Variants in ANK3 observed in about 807,000 individuals in gnomAD.
ANK3 encodes ankyrin 3, also known as ankyrin-3.
ANK3 carries 57 observed loss-of-function variants against 370.9 expected under a neutral mutation model. The ratio of observed to expected loss-of-function variants is 0.15; its 90% CI spans 0.12 to 0.19. ANK3 has a LOEUF of 0.19. Ranked by LOEUF, ANK3 falls within the 10% of genes least tolerant of loss-of-function variation. ANK3 has a pLI of 1.00. For missense variants in ANK3, 4,439 were observed against 5,302.1 expected (o/e 0.84, Z 5.06); for synonymous variants, 1,929 against 1,946.3 (o/e 0.99, Z 0.23).
intron 28 of ANK3, among the ~76,000 whole-genome samples, chr10:60,103,785 G>A (rs2091725446): frequency 1.3e-5 from 2 of 152,098 alleles, no homozygotes; most frequent in Admixed American, 1.3e-4. Flanking sequence ...TGGAACCAAA[G>A]TTTATCTGGT....
At chr10:60,098,451 T>C (rs945352664) in intron 28 of ANK3, among the ~76,000 whole-genome samples, 1 of 152,194 alleles carries the variant, frequency 6.6e-6, no homozygotes, top group Non-Finnish European at 1.5e-5. Context: ...ACTCTAGTTA[T>C]AGAATATGTA....
At chr10:60,310,176 C>T (rs367899339) in intron 1 of ANK3, among the ~76,000 whole-genome samples, 3 of 152,014 alleles carry the variant, frequency 2.0e-5, no homozygotes, top group South Asian at 4.2e-4. Flanking sequence ...CCTCCTGCCT[C>T]GGCCTCCCAG....
At chr10:60,476,459 C>T (rs983763979) in intron 2 of ANK3, among the ~76,000 whole-genome samples, 6 of 152,066 alleles carry the variant, frequency 3.9e-5, no homozygotes, top group East Asian at 1.9e-4. Flanking sequence ...CAGGAAATAA[C>T]GAAAAGTAGG....
intron 25 of ANK3, among the ~76,000 whole-genome samples, chr10:60,129,988 C>T (rs1051543873): frequency 5.9e-5 from 9 of 152,064 alleles, no homozygotes; most frequent in Middle Eastern, 3.2e-3. Context: ...TTTATAAATA[C>T]AGAGTTAGAG....
At chr10:60,264,549 A>C (rs997625056) in intron 5 of ANK3, among the ~76,000 whole-genome samples, 26 of 151,900 alleles carry the variant, frequency 1.7e-4, no homozygotes, top group African/African-American at 6.0e-4. Flanking sequence ...AGGCTGAGAC[A>C]GAGGAATAGC....
At chr10:60,637,178 A>C (rs1325815150) in intron 1 of ANK3, among the ~76,000 whole-genome samples, 1 of 152,040 alleles carries the variant, frequency 6.6e-6, no homozygotes, top group Non-Finnish European at 1.5e-5. Flanking sequence ...TTAATGAAAA[A>C]CTTTACAGGT....
chr10:60,729,895 C>T (rs1181839054), intron 1 of ANK3, among the ~76,000 whole-genome samples: 2 of 152,156 alleles, frequency 1.3e-5, no homozygotes, highest in Admixed American at 1.3e-4. Context: ...CAAATTACTT[C>T]TATTTTGGTA....
chr10:60,499,038 C>T (rs1245487871), intron 2 of ANK3, among the ~76,000 whole-genome samples: 2 of 152,218 alleles, frequency 1.3e-5, no homozygotes, highest in African/African-American at 2.4e-5. Context: ...CTTTTAACCA[C>T]TGTTCGTTTA....
At chr10:60,415,926 C>T (rs574353539) in intron 2 of ANK3, among the ~76,000 whole-genome samples, 1 of 125,564 alleles carries the variant, frequency 8.0e-6, no homozygotes, top group African/African-American at 3.0e-5. Flanking sequence ...GCCCCCCACC[C>T]CCCCGCCATT....
chr10:60,141,808 C>A (rs2132219899), intron 23 of ANK3, among the ~76,000 whole-genome samples: 1 of 152,070 alleles, frequency 6.6e-6, no homozygotes, highest in African/African-American at 2.4e-5. Flanking sequence ...TGGATAAATG[C>A]ATGATTCATA....
chr10:60,108,255 C>T, intron 27 of ANK3: 1 of 420,746 alleles, frequency 2.4e-6, no homozygotes, highest in Non-Finnish European at 4.7e-6. Context: ...CCCTCATTTA[C>T]AGGGGGAGGA....
At chr10:60,317,358 C>G (rs1282252211) in intron 1 of ANK3, among the ~76,000 whole-genome samples, 13 of 151,508 alleles carry the variant, frequency 8.6e-5, no homozygotes, top group Non-Finnish European at 1.8e-4. Context: ...CTTCTGGCCT[C>G]AAGCTATCCC....
chr10:60,051,339 C>T, intron 42 of ANK3: 2 of 261,764 alleles, frequency 7.6e-6, no homozygotes, highest in Non-Finnish European at 1.2e-5. Flanking sequence ...TTCAAGGGTG[C>T]AAAAAAATTA....
At chr10:60,077,554 A>G (rs1338041537) in intron 36 of ANK3, among the ~76,000 whole-genome samples, 1 of 152,220 alleles carries the variant, frequency 6.6e-6, no homozygotes, top group African/African-American at 2.4e-5. Context: ...TTTTAGGAAA[A>G]TATTTTCTAC....
At chr10:60,123,503 AAGAG>A (rs572743959) in intron 25 of ANK3, among the ~76,000 whole-genome samples, 52 of 152,300 alleles carry the variant, frequency 3.4e-4, no homozygotes, top group African/African-American at 1.2e-3. Flanking sequence ...AAGTGTTTGC[AAGAG>A]AGAGAGAAAA....
At chr10:60,608,731 T>C (rs956323970) in intron 2 of ANK3, among the ~76,000 whole-genome samples, 1 of 152,214 alleles carries the variant, frequency 6.6e-6, no homozygotes, top group Non-Finnish European at 1.5e-5. Context: ...ACAGGCTAGA[T>C]AGACAAATAA....
intron 2 of ANK3, among the ~76,000 whole-genome samples, chr10:60,500,496 G>A (rs377273104): frequency 6.6e-6 from 1 of 152,138 alleles, no homozygotes; most frequent in South Asian, 2.1e-4. Flanking sequence ...GGGCTGCAAA[G>A]GCTATTCAGT....
intron 1 of ANK3, among the ~76,000 whole-genome samples, chr10:60,704,558 A>AT (rs2094639659): frequency 6.6e-6 from 1 of 152,204 alleles, no homozygotes; most frequent in Non-Finnish European, 1.5e-5. Flanking sequence ...GCAATAGATA[A>AT]TGGGGGTGAC....
intron 1 of ANK3, among the ~76,000 whole-genome samples, chr10:60,646,225 G>A (rs976945602): frequency 2.6e-5 from 4 of 152,162 alleles, no homozygotes; most frequent in Admixed American, 6.5e-5. Flanking sequence ...CAAGATTGAC[G>A]TGGCAACATT....
Sources: gnomAD v4.1 joint callset for allele counts (sites outside exome capture counted in the v4.1 genomes callset) on GRCh38, gnomAD v4.1.1 for gene constraint, MANE v1.5 for transcripts, NCBI Gene and HGNC (gene_info 2026-07-23, HGNC 2026-07-21) for gene names.